DMPK: variants seen among roughly 807,000 people sequenced by gnomAD.
The protein encoded by DMPK is myotonin-protein kinase.
A neutral mutation model predicts 70.3 loss-of-function variants in DMPK; 32 were observed. The ratio of observed to expected loss-of-function variants is 0.46; its 90% confidence interval spans 0.34 to 0.61. The LOEUF is 0.61. DMPK is among the 20% of genes least tolerant of loss of function. The pLI is 0.01. For synonymous variants in DMPK, 469 were observed against 390.9 expected (o/e 1.20, Z -2.36); for missense variants, 899 against 886.0 (o/e 1.01, Z -0.19).
In DMPK at chr19:45,770,589, C is replaced by CAACGGCG; in HGVS notation, c.1782_1788dup (p.Val597ArgfsTer51). On this transcript the variant is annotated frameshift_variant, in exon 15 of 15. Transcript: ENST00000291270. LOFTEE classifies it high-confidence loss of function. ...CCCAGGGCGGCGGCACGAGACAGAACAACGGCGAACAGGAGCAGGGAAAGC... is the reference window on the plus strand; with the variant it reads ...CCCAGGGCGGCGGCACGAGACAGAACAACGGCGAACGGCGAACAGGAGCAGGGAAAGC... 10 of 1,552,556 alleles carry CAACGGCG rather than the reference C, an allele frequency of 6.4e-6. No individual in the cohort carries two copies. The highest frequency in any genetic ancestry group is 8.7e-6 in the Non-Finnish European group (10 of 1,148,012).
At chr19:45,773,955 C>CTT (rs1015477582) in intron 9 of DMPK, among the ~76,000 whole-genome samples, 7 of 135,688 alleles carry the variant, frequency 5.2e-5, no homozygotes, top group East Asian at 4.5e-4. Flanking sequence ...TAAATTAGTA[C>CTT]TTTTTTTTTT....
chr19:45,782,074 A>C, intron 1 of DMPK, 119 bp downstream of exon 1: 6 of 923,698 alleles, frequency 6.5e-6, no homozygotes, highest in African/African-American at 1.7e-5. Context: ...CCAGGATGGG[A>C]GGATCTCCCC....
intron 8 of DMPK, chr19:45,776,519 A>T (rs1969783063): frequency 6.4e-6 from 1 of 156,438 alleles, no homozygotes. Context: ...GCTGGAGTGC[A>T]GTGGCACAAT....
At position 45,770,275 on chromosome 19, in the gene DMPK, T is replaced by C. The variant is rs1969298259; in HGVS notation, c.*213A>G. On this transcript the variant is annotated 3_prime_UTR_variant, in exon 15 of 15. Coordinates refer to ENST00000291270, the MANE Select transcript of DMPK (RefSeq NM_004409.5). ...CAGCAGCAGCAGCAGCATTCCCGGC[T>C]ACAAGGACCCTTCGAGCCCCGTTCG... The C allele has an allele frequency of 5.8e-6, 4 of 685,972 alleles. 1 individual carries two copies. The highest frequency in any genetic ancestry group is 3.3e-5 in the South Asian group (2 of 61,144). The allele number at this position is 685,972 out of a possible 1,614,324, so 42.5% of individuals were successfully genotyped here.
In DMPK at chr19:45,770,526, C is replaced by T. The variant is rs997926293; in HGVS notation, c.1852G>A (p.Ala618Thr). ...GLVAHAGQLTAVWRRPGAARA... is the reference protein window; with the variant it reads ...GLVAHAGQLTTVWRRPGAARA... ...GCGGCTCCTGGGCGGCGCCAGACTG[C>T]GGTGAGTTGGCCGGCGTGGGCCACC... The change falls in exon 15 of 15, where the codon GCA becomes ACA. Residue 618 changes from alanine to threonine, a missense_variant. Ala to Thr is a moderately conservative substitution (Grantham distance 58). This residue lies in a region of DMPK where 555 missense variants were observed against 483.8 expected (regional missense o/e 1.15). Coordinates refer to ENST00000291270, the MANE Select transcript of DMPK (RefSeq NM_004409.5). 19 of 1,550,494 alleles carry T rather than the reference C, an allele frequency of 1.2e-5. No individual in the cohort carries two copies. Among genetic ancestry groups the T allele is most frequent in the Non-Finnish European group, 1.7e-5 (19 of 1,146,834 alleles).
chr19:45,781,549 T>C (rs1970119166), intron 1 of DMPK, among the ~76,000 whole-genome samples: 1 of 151,172 alleles, frequency 6.6e-6, no homozygotes, highest in Admixed American at 6.6e-5. Flanking sequence ...TGGGGGTGGG[T>C]GCAGAACCTA....
At position 45,777,356 on chromosome 19, in the gene DMPK, C is replaced by A; in HGVS notation, c.1117G>T (p.Gly373Trp). Residue 373 changes from glycine to tryptophan, a missense_variant, in exon 8 of 15, where the codon GGG (glycine) becomes TGG (tryptophan). This residue lies in a region of DMPK where 555 missense variants were observed against 483.8 expected (regional missense o/e 1.15). Coordinates refer to ENST00000291270, the MANE Select transcript of DMPK (RefSeq NM_004409.5). The surrounding 1 kb of genome is among the most constrained non-coding windows in gnomAD (Gnocchi z 6.7). Reference sequence around the variant, plus strand: ...CCCCCGCTCACCATGGCAGTGAGCCCGTCCTCCACCAAGTCGAAGTTGCAT... The same window carrying A: ...CCCCCGCTCACCATGGCAGTGAGCCAGTCCTCCACCAAGTCGAAGTTGCAT... ...DTCNFDLVED[G>W]LTAMVSGGGE... is the part of the protein sequence containing the mutation. 6.3e-7 allele frequency: 1 copy of A among 1,597,352 alleles called. No homozygotes were observed.
In DMPK at chr19:45,772,615, G is replaced by A. The variant is rs370386108; in HGVS notation, c.1344+26C>T. 6.8e-5 allele frequency: 100 copies of A among 1,475,384 alleles called. 1 individual carries two copies. The highest frequency in any genetic ancestry group is 3.2e-4 in the African/African-American group (22 of 68,654). The allele number at this position is 1,475,384 out of a possible 1,614,324, so 91.4% of individuals were successfully genotyped here. On this transcript the variant is annotated intron_variant, in intron 10 of 14. Coordinates refer to ENST00000291270, the MANE Select transcript of DMPK (RefSeq NM_004409.5). Reference sequence around the variant, plus strand: ...CTTTTCTCTCCCAATTGTCCCTGACGGACCCCCTCCCCTCCACCAACTTAC... The same window carrying A: ...CTTTTCTCTCCCAATTGTCCCTGACAGACCCCCTCCCCTCCACCAACTTAC...
chr19:45,780,400 C>G, intron 1 of DMPK: 2 of 1,421,000 alleles, frequency 1.4e-6, no homozygotes, highest in Non-Finnish European at 9.3e-7. Flanking sequence ...AGGAACAGGA[C>G]AGGGAGACAA....
At chr19:45,778,414 C>G in intron 5 of DMPK, 79 bp downstream of exon 5, 1 of 1,556,968 alleles carries the variant, frequency 6.4e-7, no homozygotes, top group Non-Finnish European at 8.7e-7. Flanking sequence ...TCTCCAGGCC[C>G]TGGCCTCTCT....
rs541261983 is a variant in DMPK at position 45,781,633 on chromosome 19, G to A, written c.160+560C>T. On this transcript the variant is annotated intron_variant, in intron 1 of 14. Transcript: ENST00000291270. ...TCGCAGAGGAGGGGGCACTGGTGGC[G>A]CCTGTCTGCAAAGCTGGTTCTCCCA... Among the ~76,000 whole-genome samples the A allele has an allele frequency of 2.6e-5, 4 of 152,330 alleles. No individual in the cohort carries two copies. In the South Asian group the frequency reaches 8.3e-4, roughly 32 times the overall value.
At chr19:45,780,267 C>A in intron 1 of DMPK, 3 of 1,508,700 alleles carry the variant, frequency 2.0e-6, no homozygotes, top group Non-Finnish European at 2.6e-6. Context: ...CCCACCCCCA[C>A]GTTCTCATGT....
intron 9 of DMPK, among the ~76,000 whole-genome samples, chr19:45,774,348 C>T (rs988458356): frequency 2.6e-4 from 40 of 151,142 alleles, no homozygotes; most frequent in African/African-American, 9.0e-4. Flanking sequence ...CTGCAAGCTC[C>T]GCCTCCCGGG....
chr19:45,777,469 G>A lies in DMPK; in HGVS notation c.1004C>T (p.Thr335Ile). 1 of 1,613,458 alleles carries A rather than the reference G, an allele frequency of 6.2e-7. No individual in the cohort carries two copies. The highest frequency in any genetic ancestry group is 8.5e-7 in the Non-Finnish European group (1 of 1,180,036). The change falls in exon 8 of 15, where the codon ACA (threonine) becomes ATA (isoleucine). Residue 335 changes from threonine to isoleucine, a missense_variant. By Grantham distance (89) the Thr-to-Ile change is moderately conservative. This residue lies in a region of DMPK where 555 missense variants were observed against 483.8 expected (regional missense o/e 1.15). Coordinates refer to ENST00000291270, the MANE Select transcript of DMPK (RefSeq NM_004409.5). This position sits in a 1 kb window ranked among gnomAD's most constrained non-coding sequence, Gnocchi z 6.7. Reference protein sequence around the residue: ...LGRGGAGDFRTHPFFFGLDWD... With the variant: ...LGRGGAGDFRIHPFFFGLDWD... The stretch of plus-strand genomic sequence containing the variant: ...GTCGAGGCCAAAGAAGAAGGGATGT[G>A]TCCGGAAGTCGCCTGCTCCACCCCG...
chr19:45,777,236 G>A lies in DMPK; in HGVS notation c.1146+91C>T. The A allele has an allele frequency of 7.0e-7, 1 of 1,436,054 alleles. No homozygotes were observed. The highest frequency in any genetic ancestry group is 9.2e-7 in the Non-Finnish European group (1 of 1,091,450). 89.0% of individuals were successfully genotyped at this position (1,436,054 alleles called of 1,614,324 possible). ...GTGCTCTGGGGAATGAGTGATTCAG[G>A]ACCCCAGAAGGTAGGCACTGTCCTT... On this transcript the variant is annotated intron_variant, in intron 8 of 14. Coordinates refer to ENST00000291270, the MANE Select transcript of DMPK (RefSeq NM_004409.5). This position sits in a 1 kb window ranked among gnomAD's most constrained non-coding sequence, Gnocchi z 6.7.
At position 45,775,014 on chromosome 19, in the gene DMPK, C is replaced by T. The variant is rs764722784; in HGVS notation, c.1167G>A (p.Arg389=). The change falls in exon 9 of 15, where the codon CGG becomes CGA. Residue 389 remains arginine, a synonymous_variant. Coordinates refer to ENST00000291270, the MANE Select transcript of DMPK (RefSeq NM_004409.5). ...SGGGETLSDI[R]EGAPLGVHLP... The stretch of plus-strand genomic sequence containing the variant: ...GGTGGACCCCTAGCGGCGCACCTTC[C>T]CGAATGTCCGACAGTGTCTCCTGCG... 1 of 1,613,874 alleles carries T rather than the reference C, an allele frequency of 6.2e-7. No homozygotes were observed. Among genetic ancestry groups the T allele is most frequent in the Admixed American group, 1.7e-5 (1 of 60,014 alleles).
chr19:45,777,264 T>G lies in DMPK; in HGVS notation c.1146+63A>C. On this transcript the variant is annotated intron_variant, in intron 8 of 14. Transcript: ENST00000291270. The surrounding 1 kb of genome is among the most constrained non-coding windows in gnomAD (Gnocchi z 6.7). Reference sequence around the variant, plus strand: ...CCCAGAAGGTAGGCACTGTCCTTACTCCAACTTTATGGAGGGAGCATGGGG... The same window carrying G: ...CCCAGAAGGTAGGCACTGTCCTTACGCCAACTTTATGGAGGGAGCATGGGG... The G allele has an allele frequency of 6.7e-7, 1 of 1,492,066 alleles. No individual in the cohort carries two copies. The highest frequency in any genetic ancestry group is 8.9e-7 in the Non-Finnish European group (1 of 1,122,752). 92.4% of individuals were successfully genotyped at this position (1,492,066 alleles called of 1,614,324 possible).
At chr19:45,772,554 G>A (rs1969526286) in intron 10 of DMPK, 87 bp downstream of exon 10, 2 of 771,212 alleles carry the variant, frequency 2.6e-6, no homozygotes, top group South Asian at 3.7e-5. Flanking sequence ...AGTCCCTAGA[G>A]GGCTCTACAG....
intron 14 of DMPK, 157 bp from the exon 15 acceptor site, chr19:45,770,797 A>C: frequency 9.8e-7 from 1 of 1,022,160 alleles, no homozygotes; most frequent in Non-Finnish European, 1.4e-6. Context: ...CACGCCTCGA[A>C]TCCCGTCCGA....
Sources: gnomAD v4.1 joint callset for allele counts (sites outside exome capture counted in the v4.1 genomes callset) on GRCh38, gnomAD v4.1.1 for gene constraint, gnomAD v4.1.1 regional missense constraint, Gnocchi (gnomAD v3.1) non-coding constraint, MANE v1.5 for transcripts, NCBI Gene and HGNC (gene_info 2026-07-23, HGNC 2026-07-21) for gene names.